C3orf18: variants seen among roughly 807,000 people sequenced by gnomAD.
C3orf18 encodes chromosome 3 open reading frame 18, also known as uncharacterized protein C3orf18.
A neutral mutation model predicts 14.1 loss-of-function variants in C3orf18; 12 were observed. The ratio of observed to expected loss-of-function variants is 0.85; its 90% CI spans 0.55 to 1.38. C3orf18 has a LOEUF of 1.38. C3orf18 is among the 40% of genes most tolerant of loss of function. The pLI is 0.00. For missense variants in C3orf18, 196 were observed against 213.9 expected, an observed-to-expected ratio of 0.92 and a Z score of 0.52; for synonymous variants, 82 against 87.9, an observed-to-expected ratio of 0.93 and a Z score of 0.38.
rs753609708 is a variant in C3orf18, at chr3:50,559,308, G to T, written c.*349C>A. The T allele has an allele frequency of 6.4e-6, 8 of 1,247,912 alleles. No individual in the cohort carries two copies. In the South Asian group the frequency reaches 1.2e-4, roughly 19 times the overall value. 77.3% of individuals were successfully genotyped at this position (1,247,912 alleles called of 1,614,324 possible). On this transcript the variant is annotated 3_prime_UTR_variant, in exon 6 of 6. Coordinates refer to ENST00000357203, the MANE Select transcript of C3orf18 (RefSeq NM_016210.5). The stretch of plus-strand genomic sequence containing the variant: ...TTCCTCCCCCAATCCCTCCCACTCC[G>T]TATCTCCCTCATTTCCTCCACATTA...
In C3orf18 at chr3:50,559,742, A is replaced by G. The variant is rs1699851394; in HGVS notation, c.409-5T>C. Reference sequence around the variant, plus strand: ...GCCCTGGGAGGGCAGAGTAGTCTGCAGGAAGACAGGCAGGGGCATCAGAGA... The same window carrying G: ...GCCCTGGGAGGGCAGAGTAGTCTGCGGGAAGACAGGCAGGGGCATCAGAGA... On this transcript the variant is annotated splice_polypyrimidine_tract_variant and splice_region_variant and intron_variant, in intron 5 of 5. Transcript: ENST00000357203. 6.4e-7 allele frequency: 1 copy of G among 1,571,188 alleles called. No homozygotes were observed. Among genetic ancestry groups the G allele is most frequent in the East Asian group, 2.3e-5 (1 of 42,956 alleles).
rs1575851145 is a variant in C3orf18, at chr3:50,566,636, C to G, written c.-251-542G>C. Among the ~76,000 whole-genome samples, 3 of 151,404 alleles carry G rather than the reference C, an allele frequency of 2.0e-5. No individual in the cohort carries two copies. In the Middle Eastern group the frequency reaches 0.01, roughly 515 times the overall value. Reference sequence around the variant, plus strand: ...TGGGTGGAGGCTGATGTGGAAAGACCAGAAGACAAGAAGGAGAGAGAGGCT... The same window carrying G: ...TGGGTGGAGGCTGATGTGGAAAGACGAGAAGACAAGAAGGAGAGAGAGGCT... On this transcript the variant is annotated intron_variant, in intron 1 of 5. Coordinates refer to ENST00000357203, the MANE Select transcript of C3orf18 (RefSeq NM_016210.5).
intron 3 of C3orf18, 91 bp from the exon 4 acceptor site, chr3:50,561,838 G>T: frequency 7.4e-7 from 1 of 1,351,634 alleles, no homozygotes. Flanking sequence ...TGAGGCTGAT[G>T]AACAAGAGAC....
Position 50,565,708 on chromosome 3 carries a change from G to A in C3orf18, c.-9C>T, listed in dbSNP as rs371695072. 7.5e-6 allele frequency: 12 copies of A among 1,599,724 alleles called. No individual in the cohort carries two copies. Among genetic ancestry groups the A allele is most frequent in the African/African-American group, 4.0e-5 (3 of 74,746 alleles). ...GCGGTCCTGGAGTTCATGCTGATGC[G>A]GAGAGGGCCCTGGCTGAGAGGCTGC... On this transcript the variant is annotated 5_prime_UTR_variant, in exon 3 of 6. Coordinates refer to ENST00000357203, the MANE Select transcript of C3orf18 (RefSeq NM_016210.5). This position sits in a 1 kb window ranked among gnomAD's most constrained non-coding sequence, Gnocchi z 4.4.
At chr3:50,562,168 G>A (rs1700016920) in intron 3 of C3orf18, among the ~76,000 whole-genome samples, 1 of 152,220 alleles carries the variant, frequency 6.6e-6, no homozygotes, top group Non-Finnish European at 1.5e-5. Flanking sequence ...AAAGTGCTGG[G>A]ATTACAGGCG....
rs745484749 is a variant in C3orf18, at chr3:50,558,975, A to G, written c.*682T>C. On this transcript the variant is annotated 3_prime_UTR_variant, in exon 6 of 6. Transcript: ENST00000357203. The stretch of plus-strand genomic sequence containing the variant: ...GGGGGGGCTGCATCCTTCCACTTCC[A>G]TTCCCCTACTTCCTTCCCCCTCAGC... 5.0e-5 allele frequency: 64 copies of G among 1,288,264 alleles called. No individual in the cohort carries two copies. Among genetic ancestry groups the G allele is most frequent in the Non-Finnish European group, 6.5e-5 (64 of 988,012 alleles). The allele number at this position is 1,288,264 out of a possible 1,614,324, so 79.8% of individuals were successfully genotyped here. A position where few individuals can be genotyped will look rare whatever the true frequency, so the allele number is the denominator to read the frequency against.
chr3:50,567,125 C>T (rs980359536), intron 1 of C3orf18, among the ~76,000 whole-genome samples: 2 of 152,178 alleles, frequency 1.3e-5, no homozygotes, highest in Non-Finnish European at 2.9e-5. Context: ...AGGCTGGGCA[C>T]ATCTGGGCAC....
upstream of C3orf18, chr3:50,572,077 C>T (rs1428737160): frequency 6.2e-7 from 1 of 1,612,252 alleles, no homozygotes; most frequent in Non-Finnish European, 8.5e-7. Context: ...TTGGTCCTAG[C>T]TCTGTCCCTG....
chr3:50,558,959 G>A lies in C3orf18; in HGVS notation c.*698C>T. On this transcript the variant is annotated 3_prime_UTR_variant, in exon 6 of 6. Coordinates refer to ENST00000357203, the MANE Select transcript of C3orf18 (RefSeq NM_016210.5). ...GCCTCTCGGCAGGTCTGGGGGGGCT[G>A]CATCCTTCCACTTCCATTCCCCTAC... The A allele has an allele frequency of 7.8e-7, 1 of 1,287,244 alleles. No individual in the cohort carries two copies. The highest frequency in any genetic ancestry group is 1.0e-6 in the Non-Finnish European group (1 of 987,152). The allele number at this position is 1,287,244 out of a possible 1,614,324, so 79.7% of individuals were successfully genotyped here. A position where few individuals can be genotyped will look rare whatever the true frequency, so the allele number is the denominator to read the frequency against.
At chr3:50,571,311 T>C, upstream of C3orf18, 1 of 1,601,330 alleles carries the variant, frequency 6.2e-7, no homozygotes, top group Non-Finnish European at 8.5e-7. Flanking sequence ...ACATCGTGGC[T>C]CATGTCCTTG....
At position 50,558,313 on chromosome 3, in the gene C3orf18, A is replaced by G. The variant is rs1214987606; in HGVS notation, c.*1344T>C. 1 of 184,660 alleles carries G rather than the reference A, an allele frequency of 5.4e-6. No homozygotes were observed. The highest frequency in any genetic ancestry group is 1.1e-5 in the Non-Finnish European group (1 of 87,932). 11.4% of individuals were successfully genotyped at this position (184,660 alleles called of 1,614,324 possible). A position where few individuals can be genotyped will look rare whatever the true frequency, so the allele number is the denominator to read the frequency against. On this transcript the variant is annotated 3_prime_UTR_variant, in exon 6 of 6. Transcript: ENST00000357203. The stretch of plus-strand genomic sequence containing the variant: ...ACGGTGGAGAGGCTGGGCACGGGAC[A>G]TGCCTCTGTGCATGCTTGTGTGCAT...
intron 3 of C3orf18, among the ~76,000 whole-genome samples, chr3:50,563,549 C>T (rs1035142592): frequency 3.3e-5 from 5 of 152,208 alleles, no homozygotes; most frequent in African/African-American, 9.7e-5. Context: ...GAACCTCCCC[C>T]ACCACTGATC....
At chr3:50,569,199 T>C (rs1022203315), upstream of C3orf18, 3 of 152,356 alleles carry the variant, frequency 2.0e-5, no homozygotes, top group Admixed American at 2.0e-4. Context: ...CCGGCCTGGT[T>C]CCTAAACGCC....
upstream of C3orf18, among the ~76,000 whole-genome samples, chr3:50,568,935 C>T (rs1700580621): frequency 1.3e-5 from 2 of 152,092 alleles, no homozygotes; most frequent in African/African-American, 4.8e-5. Flanking sequence ...AAAGAGCGGC[C>T]CCTGGGGTCT....
rs1700227098 is a variant in C3orf18, at chr3:50,565,356, G to A, written c.234+110C>T. 1.2e-6 allele frequency: 1 copy of A among 844,746 alleles called. No homozygotes were observed. Among genetic ancestry groups the A allele is most frequent in the East Asian group, 2.7e-5 (1 of 37,474 alleles). The allele number at this position is 844,746 out of a possible 1,614,324, so 52.3% of individuals were successfully genotyped here. On this transcript the variant is annotated intron_variant, in intron 3 of 5. Coordinates refer to ENST00000357203, the MANE Select transcript of C3orf18 (RefSeq NM_016210.5). This position sits in a 1 kb window ranked among gnomAD's most constrained non-coding sequence, Gnocchi z 4.4. ...CACTCCAGCCTGCATGACAGAGCAAGACTCTGTCTCAAAAACAACAATAAC... is the reference window on the plus strand; with the variant it reads ...CACTCCAGCCTGCATGACAGAGCAAAACTCTGTCTCAAAAACAACAATAAC...
upstream of C3orf18, among the ~76,000 whole-genome samples, chr3:50,568,795 T>G (rs1700570208): frequency 6.6e-6 from 1 of 151,580 alleles, no homozygotes; most frequent in Non-Finnish European, 1.5e-5. Context: ...TAACAGTACT[T>G]TCTGGTGGGG....
Position 50,559,693 on chromosome 3 carries a change from C to T in C3orf18, c.453G>A (p.Leu151=). The change falls in exon 6 of 6, where the codon CTG becomes CTA. Residue 151 remains leucine (L), a synonymous_variant. Coordinates refer to ENST00000357203, the MANE Select transcript of C3orf18 (RefSeq NM_016210.5). The part of the protein sequence containing the change: ...SQGPLQRPSR[L]VFTDVANAIH... ...TGGCATTGGCCACATCGGTAAACAC[C>T]AGCCGGCTGGGTCTCTGCAGTGGGC... is the stretch of plus-strand genomic sequence containing the variant. The T allele has an allele frequency of 6.3e-7, 1 of 1,596,424 alleles. No individual in the cohort carries two copies. The highest frequency in any genetic ancestry group is 8.5e-7 in the Non-Finnish European group (1 of 1,171,354).
rs561613734 is a variant in C3orf18 at position 50,566,812 on chromosome 3, C to T, written c.-252+651G>A. ...GGGTGCCTTCTCTTCCTTTACCCTCCTCCCCTGGAAGCAGAGGGTGAGAGA... is the reference window on the plus strand; with the variant it reads ...GGGTGCCTTCTCTTCCTTTACCCTCTTCCCCTGGAAGCAGAGGGTGAGAGA... On this transcript the variant is annotated intron_variant, in intron 1 of 5. Transcript: ENST00000357203. 5.3e-5 allele frequency among the ~76,000 whole-genome samples: 8 copies of T among 152,294 alleles called. No homozygotes were observed. In the South Asian group the frequency reaches 1.0e-3, roughly 20 times the overall value.
chr3:50,571,152 G>A, upstream of C3orf18: 1 of 1,613,114 alleles, frequency 6.2e-7, no homozygotes, highest in Admixed American at 1.7e-5. Flanking sequence ...CTGGCCCAGG[G>A]AGGAGGGGAA....
Sources: allele counts gnomAD v4.1 joint callset (sites outside exome capture counted in the v4.1 genomes callset), GRCh38; gene constraint gnomAD v4.1.1; non-coding constraint Gnocchi (gnomAD v3.1); transcripts MANE v1.5; gene names NCBI Gene and HGNC (gene_info 2026-07-23, HGNC 2026-07-21).